USH2A: variants seen among roughly 807,000 people sequenced by gnomAD.
The protein encoded by USH2A is Usher syndrome 2A (autosomal recessive, mild).
Under a neutral mutation model 538.9 loss-of-function variants are expected in USH2A, and 443 were observed. That is an observed-to-expected ratio of 0.82 (90% CI 0.76 to 0.89). The LOEUF is 0.89. Ranked by LOEUF, USH2A falls within the 40% of genes least tolerant of loss-of-function variation. The pLI, the probability that USH2A is intolerant of heterozygous loss-of-function variation, is 0.00. For synonymous variants in USH2A, 2,413 were observed against 2,273.5 expected (o/e 1.06, Z -1.75); for missense variants, 6,633 against 6,324.8 (o/e 1.05, Z -1.65).
intron 30 of USH2A, among the ~76,000 whole-genome samples, chr1:216,067,272 G>A (rs2031407688): frequency 6.6e-6 from 1 of 152,126 alleles, no homozygotes; most frequent in Non-Finnish European, 1.5e-5. Flanking sequence ...GCGGTGGAGG[G>A]TGTGTGTAGG....
At chr1:215,908,825 G>A (rs533023906) in intron 38 of USH2A, among the ~76,000 whole-genome samples, 9 of 151,638 alleles carry the variant, frequency 5.9e-5, no homozygotes, top group South Asian at 4.2e-4. Context: ...TAGAGTTATC[G>A]GGTAAACGTT....
intron 43 of USH2A, among the ~76,000 whole-genome samples, chr1:215,871,183 A>G (rs1016519399): frequency 6.6e-6 from 1 of 152,082 alleles, no homozygotes; most frequent in Non-Finnish European, 1.5e-5. Flanking sequence ...CACTCCCCAA[A>G]CAGCAAATTG....
chr1:215,824,943 C>T (rs898264957), intron 47 of USH2A, among the ~76,000 whole-genome samples: 1 of 152,074 alleles, frequency 6.6e-6, no homozygotes, highest in African/African-American at 2.4e-5. Flanking sequence ...ACTGTCTTGT[C>T]CTCATATTTG....
intron 32 of USH2A, among the ~76,000 whole-genome samples, chr1:216,035,603 C>A (rs1388656330): frequency 1.3e-5 from 2 of 151,976 alleles, no homozygotes; most frequent in African/African-American, 2.4e-5. Context: ...CATAATTGAG[C>A]AACAAATATT....
chr1:216,147,877 C>T (rs1228981251), intron 21 of USH2A, among the ~76,000 whole-genome samples: 7 of 150,524 alleles, frequency 4.7e-5, no homozygotes, highest in Admixed American at 4.0e-4. Context: ...GGGATTCCTC[C>T]TAAGCCGCGT....
At chr1:215,668,606 C>T (rs1293252407) in intron 64 of USH2A, among the ~76,000 whole-genome samples, 2 of 152,134 alleles carry the variant, frequency 1.3e-5, no homozygotes, top group East Asian at 1.9e-4. Flanking sequence ...ACAAAAGAAA[C>T]CACACAGCCT....
chr1:216,340,093 T>G (rs895692414), intron 4 of USH2A, among the ~76,000 whole-genome samples: 2 of 151,566 alleles, frequency 1.3e-5, no homozygotes, highest in African/African-American at 4.8e-5. Context: ...AATAGACTGC[T>G]AGCTAGACTA....
At chr1:215,747,617 GC>G (rs1660507008) in intron 58 of USH2A, among the ~76,000 whole-genome samples, 1 of 152,092 alleles carries the variant, frequency 6.6e-6, no homozygotes, top group South Asian at 2.1e-4. Context: ...CTTCCTCTCC[GC>G]AAAAAGTATT....
At chr1:215,894,922 G>A (rs1447883748) in intron 40 of USH2A, among the ~76,000 whole-genome samples, 1 of 152,118 alleles carries the variant, frequency 6.6e-6, no homozygotes, top group Non-Finnish European at 1.5e-5. Context: ...ATATTAAAGT[G>A]CACTCCAAAT....
rs878853406 is a variant in USH2A at position 215,674,470 on chromosome 1, T to C, written c.13441A>G (p.Arg4481Gly). The C allele has an allele frequency of 4.3e-6, 7 of 1,614,056 alleles. No individual in the cohort carries two copies. Among genetic ancestry groups the C allele is most frequent in the Non-Finnish European group, 5.9e-6 (7 of 1,180,034 alleles). The change falls in exon 63 of 72, where the codon AGG (arginine) becomes GGG (glycine). Residue 4481 changes from arginine (R) to glycine (G), a missense_variant. Physicochemically the swap from Arg to Gly is moderately radical, Grantham distance 125. Transcript: ENST00000307340. ...CCTGTATATACAATGGTTCCATCCC[T>C]CCTAAGTTCATAACTTCTGATCTGG... ...NGQIRSYELR[R>G]DGTIVYTGLE... is the part of the protein sequence containing the mutation.
chr1:215,718,590 T>C (rs1275027743), intron 61 of USH2A, among the ~76,000 whole-genome samples: 1 of 152,240 alleles, frequency 6.6e-6, no homozygotes, highest in African/African-American at 2.4e-5. Flanking sequence ...ATATTACAGC[T>C]GTTACAGTGG....
intron 3 of USH2A, among the ~76,000 whole-genome samples, chr1:216,394,209 T>A (rs184872699): frequency 1.3e-5 from 2 of 152,308 alleles, no homozygotes; most frequent in African/African-American, 4.8e-5. Flanking sequence ...ACAACTGTAA[T>A]CTGACATTTT....
intron 47 of USH2A, among the ~76,000 whole-genome samples, chr1:215,834,840 G>T (rs1663430505): frequency 6.7e-6 from 1 of 148,848 alleles, no homozygotes; most frequent in African/African-American, 2.5e-5. Context: ...TCAAATATTA[G>T]ACTTCCTGGA....
chr1:215,633,523 T>C (rs777121635), intron 70 of USH2A, among the ~76,000 whole-genome samples: 7 of 152,206 alleles, frequency 4.6e-5, no homozygotes, highest in Non-Finnish European at 8.8e-5. Context: ...GGAAGGCAGA[T>C]GGTGCTGCTG....
chr1:216,196,846 G>A, intron 18 of USH2A, 124 bp from the exon 19 acceptor site: 1 of 1,197,514 alleles, frequency 8.4e-7, no homozygotes. Flanking sequence ...ATTCTGCTTT[G>A]AAAAAGTCCA....
At chr1:215,969,437 C>T (rs1667437230) in intron 36 of USH2A, among the ~76,000 whole-genome samples, 1 of 152,140 alleles carries the variant, frequency 6.6e-6, no homozygotes, top group African/African-American at 2.4e-5. Flanking sequence ...GTTGCCAGAA[C>T]ATCAGGAGAC....
Position 216,200,033 on chromosome 1 carries a change from C to T in USH2A, c.3405G>A (p.Arg1135=), listed in dbSNP as rs372843685. The T allele has an allele frequency of 9.9e-6, 16 of 1,613,936 alleles. No individual in the cohort carries two copies. Among genetic ancestry groups the T allele is most frequent in the Non-Finnish European group, 1.4e-5 (16 of 1,179,972 alleles). Reference sequence around the variant, plus strand: ...TTGTCTTGTAAGTGACAGCTACACTCCTTGTTGAACCATGCACATTGGTGG... The same window carrying T: ...TTGTCTTGTAAGTGACAGCTACACTTCTTGTTGAACCATGCACATTGGTGG... ...IETTNVHGST[R]SVAVTYKTKP... Residue 1135 remains arginine, a synonymous_variant, in exon 17 of 72, where the codon AGG becomes AGA. Transcript: ENST00000307340.
intron 21 of USH2A, among the ~76,000 whole-genome samples, chr1:216,129,527 A>G (rs2033324932): frequency 6.6e-6 from 1 of 152,118 alleles, no homozygotes; most frequent in South Asian, 2.1e-4. Flanking sequence ...TAAAATAAAA[A>G]CAATACAACA....
In USH2A at chr1:216,422,451, C is replaced by T; in HGVS notation, c.-115G>A. On this transcript the variant is annotated 5_prime_UTR_variant, in exon 2 of 72. The change abolishes an upstream ATG in the 5' untranslated region. Transcript: ENST00000307340. ...TACTTTAAGTGATGTTGCGATACTC[C>T]ATTTTCTGGAAACTGCAGACACGTT... The T allele has an allele frequency of 6.7e-7, 1 of 1,484,072 alleles. No individual in the cohort carries two copies. The highest frequency in any genetic ancestry group is 9.2e-7 in the Non-Finnish European group (1 of 1,085,288). The allele number at this position is 1,484,072 out of a possible 1,614,324, so 91.9% of individuals were successfully genotyped here. A position where few individuals can be genotyped will look rare whatever the true frequency, so the allele number is the denominator to read the frequency against.
Sources: gnomAD v4.1 joint callset for allele counts (sites outside exome capture counted in the v4.1 genomes callset) on GRCh38, gnomAD v4.1.1 for gene constraint, MANE v1.5 for transcripts, NCBI Gene and HGNC (gene_info 2026-07-23, HGNC 2026-07-21) for gene names.